The following NRG3 variants were observed in gnomAD, a reference collection of about 807,000 sequenced individuals.
The protein encoded by NRG3 is pro-neuregulin-3, membrane-bound isoform.
Under a neutral mutation model 66.9 loss-of-function variants are expected in NRG3, and 31 were observed. The ratio of observed to expected loss-of-function variants is 0.46; its 90% CI spans 0.35 to 0.63. The LOEUF is 0.63. NRG3 is among the 20% of genes least tolerant of loss of function. The probability of loss-of-function intolerance (pLI) is 0.00; values close to 1 mark genes in which losing one functional copy is unlikely to be tolerated. For missense variants in NRG3, 910 were observed against 878.9 expected (o/e 1.04, Z -0.45); for synonymous variants, 393 against 359.4 (o/e 1.09, Z -1.06).
chr10:82,979,157 G>A, intron 8 of NRG3, 37 bp downstream of exon 8: 5 of 1,598,580 alleles, frequency 3.1e-6, no homozygotes, highest in Non-Finnish European at 3.4e-6. Context: ...TAGGGAGGGT[G>A]TCTTTAATGC....
chr10:82,132,247 G>A (rs1261067744), intron 1 of NRG3, among the ~76,000 whole-genome samples: 1 of 151,072 alleles, frequency 6.6e-6, no homozygotes, highest in East Asian at 2.0e-4. Context: ...ATTATGAAGG[G>A]ATATTAAATT....
Position 82,099,632 on chromosome 10 carries a change from T to C in NRG3, c.823+223469T>C, listed in dbSNP as rs1030353026. Among the ~76,000 whole-genome samples the C allele has an allele frequency of 4.6e-5, 7 of 152,268 alleles. No homozygotes were observed. In the South Asian group the frequency reaches 1.0e-3, roughly 23 times the overall value. ...ACTCTACTGGTACCTTGAGGTATTG[T>C]GTAGACTCTATTGATCAATTTTTAG... On this transcript the variant is annotated intron_variant, in intron 1 of 8. Coordinates refer to ENST00000372141, the MANE Select transcript of NRG3 (RefSeq NM_001010848.4).
intron 1 of NRG3, among the ~76,000 whole-genome samples, chr10:81,908,154 G>T (rs11191757): frequency 0.45 from 67,920 of 151,954 alleles, 18,689 homozygotes; most frequent in East Asian, 0.81. Context: ...TTATTTCAAT[G>T]TTATGCAGGT....
At chr10:82,063,469 T>G (rs968755397) in intron 1 of NRG3, among the ~76,000 whole-genome samples, 3 of 151,796 alleles carry the variant, frequency 2.0e-5, no homozygotes, top group Admixed American at 6.6e-5. Flanking sequence ...CTGCTCTATT[T>G]GTATAGAGAC....
At chr10:82,955,901 G>A (rs1275204943) in intron 5 of NRG3, among the ~76,000 whole-genome samples, 1 of 151,858 alleles carries the variant, frequency 6.6e-6, no homozygotes, top group East Asian at 1.9e-4. Context: ...AGGCTCTGAA[G>A]ACCTAGACCT....
intron 3 of NRG3, among the ~76,000 whole-genome samples, chr10:82,854,297 T>G (rs2063704148): frequency 6.6e-6 from 1 of 152,184 alleles, no homozygotes; most frequent in African/African-American, 2.4e-5. Context: ...GGGAAGAGTT[T>G]GTTAGAGGAA....
At chr10:82,953,457 CTT>C (rs1849723435) in intron 5 of NRG3, among the ~76,000 whole-genome samples, 3 of 151,932 alleles carry the variant, frequency 2.0e-5, no homozygotes, top group Non-Finnish European at 4.4e-5. Context: ...GAGTTACTCT[CTT>C]TTGTGCAGCC....
chr10:82,892,090 T>C (rs2136128074), intron 4 of NRG3, among the ~76,000 whole-genome samples: 1 of 152,300 alleles, frequency 6.6e-6, no homozygotes, highest in African/African-American at 2.4e-5. Flanking sequence ...TATGCATTCC[T>C]GTAATAAATT....
intron 3 of NRG3, among the ~76,000 whole-genome samples, chr10:82,829,109 A>G (rs1029068273): frequency 6.6e-6 from 1 of 152,148 alleles, no homozygotes; most frequent in African/African-American, 2.4e-5. Flanking sequence ...ATGGAATTTC[A>G]GACTCAATGT....
chr10:82,752,000 C>T (rs1414338), intron 3 of NRG3, among the ~76,000 whole-genome samples: 13,168 of 152,094 alleles, frequency 0.087, 1,769 homozygotes, highest in African/African-American at 0.29. Context: ...TTTCATGCTT[C>T]CATTACATCA....
At chr10:82,412,068 G>T (rs1330554293) in intron 2 of NRG3, among the ~76,000 whole-genome samples, 1 of 151,962 alleles carries the variant, frequency 6.6e-6, no homozygotes, top group African/African-American at 2.4e-5. Flanking sequence ...ATGATTTTAC[G>T]TTTCATGTGG....
At chr10:82,355,489 A>C (rs1016580514) in intron 1 of NRG3, among the ~76,000 whole-genome samples, 8 of 152,184 alleles carry the variant, frequency 5.3e-5, no homozygotes, top group Non-Finnish European at 1.2e-4. Context: ...AGATGTACAA[A>C]TGTAGGAGGA....
chr10:82,477,326 G>T (rs753266726), intron 2 of NRG3, among the ~76,000 whole-genome samples: 1 of 152,088 alleles, frequency 6.6e-6, no homozygotes, highest in African/African-American at 2.4e-5. Flanking sequence ...CATGACCAAC[G>T]CAGTGAGATG....
At chr10:82,156,860 C>T (rs1564617799) in intron 1 of NRG3, among the ~76,000 whole-genome samples, 1 of 151,576 alleles carries the variant, frequency 6.6e-6, no homozygotes, top group Non-Finnish European at 1.5e-5. Context: ...AAGTGTCAAT[C>T]GTCATTAATA....
intron 1 of NRG3, among the ~76,000 whole-genome samples, chr10:82,036,846 G>A (rs2132953328): frequency 6.6e-6 from 1 of 152,216 alleles, no homozygotes; most frequent in Non-Finnish European, 1.5e-5. Flanking sequence ...TATAGAGGGG[G>A]AAAGGTGCCA....
chr10:82,821,227 C>A (rs907258225), intron 3 of NRG3, among the ~76,000 whole-genome samples: 1 of 152,184 alleles, frequency 6.6e-6, no homozygotes, highest in African/African-American at 2.4e-5. Flanking sequence ...CTCTGCCCCA[C>A]AGAGTCACCT....
chr10:82,940,821 C>A (rs1460669298), intron 4 of NRG3, among the ~76,000 whole-genome samples: 1 of 152,042 alleles, frequency 6.6e-6, no homozygotes, highest in African/African-American at 2.4e-5. Flanking sequence ...ACCCACTTCC[C>A]AAAAGCCCCA....
chr10:82,353,295 C>T (rs1430366801), intron 1 of NRG3, among the ~76,000 whole-genome samples: 1 of 152,146 alleles, frequency 6.6e-6, no homozygotes, highest in Non-Finnish European at 1.5e-5. Context: ...AAGTAATATT[C>T]AGGTTCAACT....
intron 1 of NRG3, among the ~76,000 whole-genome samples, chr10:82,293,159 A>G (rs1399000735): frequency 3.3e-5 from 5 of 152,194 alleles, no homozygotes; most frequent in Non-Finnish European, 5.9e-5. Context: ...CTTTTCAGGT[A>G]CAAGATGGGC....
Sources: gnomAD v4.1 joint callset for allele counts (sites outside exome capture counted in the v4.1 genomes callset) on GRCh38, gnomAD v4.1.1 for gene constraint, MANE v1.5 for transcripts, NCBI Gene and HGNC (gene_info 2026-07-23, HGNC 2026-07-21) for gene names.